Variants in NPHP3 observed in about 807,000 individuals in gnomAD.
NPHP3 encodes nephrocystin-3.
In NPHP3, 123 loss-of-function variants were observed where a neutral mutation model predicts 171.9. That is an observed-to-expected ratio of 0.72 (90% CI 0.62 to 0.83). The LOEUF is 0.83. NPHP3 is among the 40% of genes least tolerant of loss of function. The pLI is 0.00. For synonymous variants in NPHP3, 558 were observed against 579.2 expected (o/e 0.96, Z 0.52); for missense variants, 1,506 against 1,591.9 (o/e 0.95, Z 0.92).
chr3:132,709,688 GGTGT>G (rs138040526), intron 6 of NPHP3, among the ~76,000 whole-genome samples: 2 of 151,390 alleles, frequency 1.3e-5, no homozygotes, highest in African/African-American at 4.8e-5. Context: ...TTTTGTGGGG[GGTGT>G]GTGTGTGTGT....
chr3:132,700,069 A>G lies in NPHP3; in HGVS notation c.1744-8T>C, dbSNP rs780106581. 5.0e-6 allele frequency: 8 copies of G among 1,614,058 alleles called. No individual in the cohort carries two copies. The highest frequency in any genetic ancestry group is 1.1e-5 in the South Asian group (1 of 91,080). On this transcript the variant is annotated splice_region_variant and splice_polypyrimidine_tract_variant and intron_variant, in intron 11 of 26. Coordinates refer to ENST00000337331, the MANE Select transcript of NPHP3 (RefSeq NM_153240.5). ...CCAAGAGTGCTGCATCAACTACAAG[A>G]TAAGAACACACACAAACTGAAGTAG... is the stretch of plus-strand genomic sequence containing the variant.
chr3:132,715,763 T>G (rs1940034794), intron 4 of NPHP3, among the ~76,000 whole-genome samples: 1 of 152,232 alleles, frequency 6.6e-6, no homozygotes, highest in Admixed American at 6.5e-5. Context: ...TTATAACTTC[T>G]TAGGTCTGCA....
Position 132,722,384 on chromosome 3 carries a change from G to A in NPHP3, c.-29C>T. 6.4e-7 allele frequency: 1 copy of A among 1,568,428 alleles called. No individual in the cohort carries two copies. The highest frequency in any genetic ancestry group is 2.4e-5 in the East Asian group (1 of 41,406). The stretch of plus-strand genomic sequence containing the variant: ...GTCCGTTGCCGCTACTACCTAGTGA[G>A]TACCAGCAGGACTGGGCAGCGGAAC... On this transcript the variant is annotated 5_prime_UTR_variant, in exon 1 of 27. Coordinates refer to ENST00000337331, the MANE Select transcript of NPHP3 (RefSeq NM_153240.5).
At chr3:132,714,767 G>C (rs1042636056) in intron 5 of NPHP3, among the ~76,000 whole-genome samples, 14 of 152,024 alleles carry the variant, frequency 9.2e-5, no homozygotes, top group African/African-American at 3.1e-4. Flanking sequence ...AAAAAGTCCA[G>C]AAAGTTCCAA....
intron 10 of NPHP3, among the ~76,000 whole-genome samples, chr3:132,700,796 A>G (rs1939586972): frequency 6.6e-6 from 1 of 152,224 alleles, no homozygotes; most frequent in Admixed American, 6.5e-5. Context: ...TTTTCCAAAC[A>G]TAACTTTAAA....
chr3:132,699,931 A>G lies in NPHP3; in HGVS notation c.1874T>C (p.Ile625Thr). The G allele has an allele frequency of 6.2e-7, 1 of 1,614,188 alleles. No individual in the cohort carries two copies. The highest frequency in any genetic ancestry group is 8.5e-7 in the Non-Finnish European group (1 of 1,180,022). ...GGAAAACGGTACCTGAACTTGATCT[A>G]TAGAATCAATAACGATGATGATGCT... The part of the protein sequence containing the change: ...QGSIIIVIDS[I>T]DQVQQVEKHM... The change falls in exon 12 of 27, where the codon ATA becomes ACA. Residue 625 changes from isoleucine to threonine, a missense_variant. This residue lies in a region of NPHP3 where 930 missense variants were observed against 924.9 expected (regional missense o/e 1.01). Coordinates refer to ENST00000337331, the MANE Select transcript of NPHP3 (RefSeq NM_153240.5).
In NPHP3 at chr3:132,691,265, C is replaced by T; in HGVS notation, c.2497G>A (p.Glu833Lys). Residue 833 changes from glutamate to lysine, a missense_variant, in exon 18 of 27, where the codon GAG (glutamate) becomes AAG (lysine). Physicochemically the swap from Glu to Lys is moderately conservative, Grantham distance 56. Coordinates refer to ENST00000337331, the MANE Select transcript of NPHP3 (RefSeq NM_153240.5). ...GTAACAGTGGGGCCTTCCAGGTACT[C>T]CAATCTCACTGTTTCCCAAGCCTAG... ...HLQAWETVRL[E>K]YLEGPTVTSS... 6.2e-7 allele frequency: 1 copy of T among 1,612,886 alleles called. No homozygotes were observed. The highest frequency in any genetic ancestry group is 8.5e-7 in the Non-Finnish European group (1 of 1,179,068).
intron 8 of NPHP3, among the ~76,000 whole-genome samples, chr3:132,704,626 C>A (rs1939699000): frequency 2.0e-5 from 3 of 151,974 alleles, no homozygotes; most frequent in African/African-American, 7.3e-5. Context: ...ATATTTGAAT[C>A]CCATGGAATT....
chr3:132,689,387 G>GT (rs945258397), intron 19 of NPHP3, 124 bp from the exon 20 acceptor site: 37 of 972,822 alleles, frequency 3.8e-5, no homozygotes, highest in Non-Finnish European at 5.6e-5. Flanking sequence ...GTGTAATGAG[G>GT]TAAGACTCAG....
intron 15 of NPHP3, 58 bp from the exon 16 acceptor site, chr3:132,695,023 T>C (rs1939410436): frequency 5.1e-6 from 8 of 1,555,510 alleles, no homozygotes; most frequent in South Asian, 2.2e-5. Flanking sequence ...TGTGAAAATT[T>C]TGAGATCGAT....
chr3:132,700,482 A>G (rs1224276072), intron 10 of NPHP3, 34 bp from the exon 11 acceptor site: 2 of 1,308,326 alleles, frequency 1.5e-6, no homozygotes, highest in African/African-American at 1.5e-5. Flanking sequence ...TATAAAACCG[A>G]TAAAGTTCCT....
chr3:132,682,669 G>C (rs371173250), intron 26 of NPHP3, 34 bp downstream of exon 26: 344 of 1,150,804 alleles, frequency 3.0e-4, no homozygotes, highest in Non-Finnish European at 4.4e-4. Flanking sequence ...TCGAATAAAA[G>C]AGGCTGTATA....
intron 6 of NPHP3, among the ~76,000 whole-genome samples, chr3:132,710,014 A>G (rs1173723633): frequency 6.6e-6 from 1 of 152,172 alleles, no homozygotes; most frequent in Non-Finnish European, 1.5e-5. Flanking sequence ...GCTCAGATAA[A>G]ATGGTATGAT....
rs1023696153 is a variant in NPHP3, at chr3:132,716,865, T to G, written c.715A>C (p.Ser239Arg). The G allele has an allele frequency of 6.2e-7, 1 of 1,614,054 alleles. No homozygotes were observed. Among genetic ancestry groups the G allele is most frequent in the Non-Finnish European group, 8.5e-7 (1 of 1,180,026 alleles). Residue 239 changes from serine to arginine, a missense_variant, in exon 4 of 27, where the codon AGT becomes CGT. Coordinates refer to ENST00000337331, the MANE Select transcript of NPHP3 (RefSeq NM_153240.5). ...CEYWTGGALG[S>R]EPSIGSMIQL... The stretch of plus-strand genomic sequence containing the variant: ...ATCATGCTTCCTATGGAAGGTTCAC[T>G]TCCCAAGGCTCCGCCAGTCCAATAT...
intron 5 of NPHP3, 30 bp from the exon 6 acceptor site, chr3:132,713,316 T>A: frequency 6.7e-7 from 1 of 1,487,992 alleles, no homozygotes; most frequent in Non-Finnish European, 9.3e-7. Context: ...TACAAAAGTT[T>A]AATGTATTTA....
rs1024822603 is a variant in NPHP3, at chr3:132,684,747, A to C, written c.3377T>G (p.Val1126Gly). The change falls in exon 24 of 27, where the codon GTT becomes GGT. Residue 1126 changes from valine to glycine, a missense_variant. Physicochemically the swap from Val to Gly is moderately radical, Grantham distance 109. Coordinates refer to ENST00000337331, the MANE Select transcript of NPHP3 (RefSeq NM_153240.5). ...LKRSLEMRER[V>G]LGPDHPDCAQ... ...ACAGTCAGGGTGATCTGGTCCTAGA[A>C]CTCGCTCCCTCATTTCTAAGGAACG... 3 of 1,613,770 alleles carry C rather than the reference A, an allele frequency of 1.9e-6. No individual in the cohort carries two copies. The highest frequency in any genetic ancestry group is 2.7e-5 in the African/African-American group (2 of 74,896).
intron 14 of NPHP3, among the ~76,000 whole-genome samples, chr3:132,697,045 A>G: frequency 6.6e-6 from 1 of 152,240 alleles, no homozygotes; most frequent in East Asian, 1.9e-4. Flanking sequence ...TACCTGCTTA[A>G]TATTATATAC....
intron 6 of NPHP3, among the ~76,000 whole-genome samples, chr3:132,709,951 G>A (rs1939864554): frequency 6.6e-6 from 1 of 152,102 alleles, no homozygotes; most frequent in Non-Finnish European, 1.5e-5. Flanking sequence ...TGGGCTTGCT[G>A]TTCAGGCACA....
Position 132,719,072 on chromosome 3 carries a change from G to A in NPHP3, c.592C>T (p.Gln198Ter). 1 of 1,614,022 alleles carries A rather than the reference G, an allele frequency of 6.2e-7. No individual in the cohort carries two copies. The highest frequency in any genetic ancestry group is 8.5e-7 in the Non-Finnish European group (1 of 1,179,902). The change falls in exon 3 of 27, where the codon CAG becomes TAG. Residue 198 changes from glutamine (Q) to a stop codon, truncating the protein, a stop_gained. Coordinates refer to ENST00000337331, the MANE Select transcript of NPHP3 (RefSeq NM_153240.5). LOFTEE classifies it high-confidence loss of function. Reference sequence around the variant, plus strand: ...TGGATACCCTGAGCCTGTAGCCTCTGAAGTTTGCTCTCCAACTCCCTCTTG... The same window carrying A: ...TGGATACCCTGAGCCTGTAGCCTCTAAAGTTTGCTCTCCAACTCCCTCTTG... ...RAKRELESKL[Q>*]RLQAQGIQVF...
Sources: allele counts gnomAD v4.1 joint callset (sites outside exome capture counted in the v4.1 genomes callset), GRCh38; gene constraint gnomAD v4.1.1; regional missense constraint gnomAD v4.1.1; transcripts MANE v1.5; gene names NCBI Gene and HGNC (gene_info 2026-07-23, HGNC 2026-07-21).